The following PRH1 variants were observed in gnomAD, a reference collection of about 807,000 sequenced individuals.
PRH1 encodes proline rich protein HaeIII subfamily 1.
In PRH1, 7 loss-of-function variants were observed where a neutral mutation model predicts 7.9. That is an observed-to-expected ratio of 0.89 (90% CI 0.50 to 1.67). The LOEUF is 1.67. Ranked by LOEUF, PRH1 falls within the 40% of genes most tolerant of loss-of-function variation. The probability of loss-of-function intolerance (pLI) is 0.00; values close to 1 mark genes in which losing one functional copy is unlikely to be tolerated. For synonymous variants in PRH1, 45 were observed against 80.8 expected (o/e 0.56, Z 2.38); for missense variants, 109 against 223.6 (o/e 0.49, Z 3.27).
At chr12:10,947,836 C>A (rs918775113) in intron 2 of PRH1, among the ~76,000 whole-genome samples, 1 of 152,174 alleles carries the variant, frequency 6.6e-6, no homozygotes, top group Non-Finnish European at 1.5e-5. Flanking sequence ...ATAATAAATT[C>A]CCTCAACATT....
intron 1 of PRH1, among the ~76,000 whole-genome samples, chr12:11,038,391 C>G (rs1355714261): frequency 6.6e-6 from 1 of 152,200 alleles, no homozygotes; most frequent in Admixed American, 6.5e-5. Context: ...TCTTGACTAT[C>G]CCAGTTGTTA....
chr12:10,883,702 A>G (rs571028906), intron 1 of PRH1, among the ~76,000 whole-genome samples: 3 of 152,322 alleles, frequency 2.0e-5, no homozygotes, highest in East Asian at 1.9e-4. Flanking sequence ...CTCTAACTCT[A>G]TGTAGACAGA....
chr12:10,997,443 C>A, intron 1 of PRH1: 2 of 1,613,794 alleles, frequency 1.2e-6, no homozygotes, highest in Non-Finnish European at 1.7e-6. Flanking sequence ...TGTTTCATCA[C>A]AAGGTGACAA....
intron 1 of PRH1, among the ~76,000 whole-genome samples, chr12:11,145,399 G>T (rs981267396): frequency 2.6e-5 from 4 of 152,036 alleles, no homozygotes; most frequent in Admixed American, 1.3e-4. Flanking sequence ...CACCATGTTG[G>T]CTAGGATGGT....
intron 2 of PRH1, among the ~76,000 whole-genome samples, chr12:10,956,604 C>T (rs1033768762): frequency 7.2e-5 from 11 of 151,954 alleles, no homozygotes; most frequent in Admixed American, 4.6e-4. Context: ...AAAGGCATCC[C>T]AATAGAAGAG....
In PRH1 at chr12:11,074,741, G is replaced by T. The variant is rs1206685463; in HGVS notation, n.124-27553C>A. Among the ~76,000 whole-genome samples, 2 of 115,826 alleles carry T rather than the reference G, an allele frequency of 1.7e-5. 1 individual carries two copies. Among genetic ancestry groups the T allele is most frequent in the South Asian group, 4.7e-4 (2 of 4,234 alleles). 76.0% of individuals were successfully genotyped at this position (115,826 alleles called of 152,430 possible). On this transcript the variant is annotated intron_variant and non_coding_transcript_variant, in intron 1 of 4. Coordinates refer to the PRH1 transcript ENST00000541977. ...AACAGCCACCAAGGGGTTGGATAAT[G>T]TAAGGAAGAAAAGCAAAGATGGTAG...
At chr12:10,957,512 G>T (rs949411349) in intron 2 of PRH1, among the ~76,000 whole-genome samples, 2 of 152,112 alleles carry the variant, frequency 1.3e-5, no homozygotes, top group African/African-American at 2.4e-5. Context: ...ACCTGGCAAA[G>T]ATTTCATGGC....
chr12:11,062,290 A>T (rs768948794), intron 1 of PRH1: 1 of 1,610,568 alleles, frequency 6.2e-7, no homozygotes, highest in Non-Finnish European at 8.5e-7. Flanking sequence ...CAGAAAAGTT[A>T]TCATGTCTGA....
intron 2 of PRH1, among the ~76,000 whole-genome samples, chr12:10,918,797 G>A (rs1287501697): frequency 6.6e-6 from 1 of 151,878 alleles, no homozygotes; most frequent in African/African-American, 2.4e-5. Context: ...TTAAATGTGA[G>A]GCTGAATTTT....
chr12:11,165,544 C>T (rs1408348270), intron 1 of PRH1, among the ~76,000 whole-genome samples: 1 of 152,148 alleles, frequency 6.6e-6, no homozygotes, highest in African/African-American at 2.4e-5. Flanking sequence ...AATTTTAACA[C>T]ATTAATCATA....
rs1345207379 is a variant in PRH1, at chr12:10,931,104, T to C, written c.-59+42551A>G. On this transcript the variant is annotated intron_variant, in intron 2 of 3. Transcript: ENST00000539853. Reference sequence around the variant, plus strand: ...AGGTATGATTCCAGTTTATTATCCATCAAAGGCTCCAACTGCTACAGTTCT... The same window carrying C: ...AGGTATGATTCCAGTTTATTATCCACCAAAGGCTCCAACTGCTACAGTTCT... 7 of 1,572,156 alleles carry C rather than the reference T, an allele frequency of 4.5e-6. No individual in the cohort carries two copies. The East Asian group carries it at 1.6e-4, about 35-fold the overall frequency.
chr12:10,989,315 C>T (rs1939808457), intron 1 of PRH1, among the ~76,000 whole-genome samples: 1 of 152,016 alleles, frequency 6.6e-6, no homozygotes, highest in Non-Finnish European at 1.5e-5. Flanking sequence ...TATATTATTC[C>T]ATTGTATGAA....
intron 2 of PRH1, among the ~76,000 whole-genome samples, chr12:10,925,580 T>C (rs920543411): frequency 6.6e-6 from 1 of 152,226 alleles, no homozygotes; most frequent in African/African-American, 2.4e-5. Flanking sequence ...TAAATTTGTA[T>C]GAGTATCTTT....
chr12:10,950,135 T>C (rs147981661), intron 2 of PRH1, among the ~76,000 whole-genome samples: 261 of 152,300 alleles, frequency 1.7e-3, no homozygotes, highest in African/African-American at 6.1e-3. Context: ...AAGTATGCCA[T>C]AATTTATTTA....
chr12:11,090,215 T>A (rs1944833840), intron 1 of PRH1, among the ~76,000 whole-genome samples: 1 of 116,040 alleles, frequency 8.6e-6, no homozygotes. Context: ...GCTCATCCCA[T>A]AATTAATACA....
chr12:10,979,856 G>A (rs1026107679), intron 1 of PRH1, among the ~76,000 whole-genome samples: 1 of 152,122 alleles, frequency 6.6e-6, no homozygotes, highest in African/African-American at 2.4e-5. Context: ...TATGTTTTTT[G>A]TCTAAATATC....
At chr12:11,109,295 C>T (rs1440000011) in intron 1 of PRH1, among the ~76,000 whole-genome samples, 1 of 152,202 alleles carries the variant, frequency 6.6e-6, no homozygotes, top group Non-Finnish European at 1.5e-5. Flanking sequence ...CAGCAGATCT[C>T]CCAGCACAGC....
chr12:11,062,819 A>T (rs769099142), intron 1 of PRH1, among the ~76,000 whole-genome samples: 6 of 152,124 alleles, frequency 3.9e-5, no homozygotes, highest in Non-Finnish European at 8.8e-5. Flanking sequence ...TGACAGATTT[A>T]AATACACAGA....
chr12:10,965,952 T>A (rs991769496), intron 2 of PRH1, among the ~76,000 whole-genome samples: 3 of 152,212 alleles, frequency 2.0e-5, no homozygotes, highest in Non-Finnish European at 4.4e-5. Context: ...ATCTTATTCC[T>A]GCTAACCAGT....
Sources: allele counts gnomAD v4.1 joint callset (sites outside exome capture counted in the v4.1 genomes callset), GRCh38; gene constraint gnomAD v4.1.1; transcripts MANE v1.5; gene names NCBI Gene and HGNC (gene_info 2026-07-23, HGNC 2026-07-21).